DMD: variants seen among roughly 807,000 people sequenced by gnomAD.
The protein encoded by DMD is dystrophin, also known as mutant dystrophin.
DMD carries 63 observed loss-of-function variants against 330.1 expected under a neutral mutation model. The observed-to-expected ratio is 0.19, with a 90% CI of 0.16 to 0.24. The LOEUF (loss-of-function observed/expected upper bound fraction) is 0.24. Ranked by LOEUF, DMD falls within the 10% of genes least tolerant of loss-of-function variation. DMD has a pLI of 1.00. For missense variants in DMD, 3,344 were observed against 2,684.1 expected (o/e 1.25, Z -5.43); for synonymous variants, 1,223 against 959.8 (o/e 1.27, Z -5.07).
At chrX:32,489,280 T>G (rs189506822) in intron 20 of DMD, among the ~76,000 whole-genome samples, 1 of 110,075 alleles carries the variant, frequency 9.1e-6, no homozygotes, top group Admixed American at 9.8e-5. Context: ...GGTGAGACTA[T>G]TTGGTGATAG....
intron 44 of DMD, among the ~76,000 whole-genome samples, chrX:32,038,551 A>G (rs1474533593): frequency 9.0e-6 from 1 of 111,374 alleles, no homozygotes; most frequent in African/African-American, 3.3e-5. Flanking sequence ...AGGGATAGAC[A>G]GAGTTCCAAG....
intron 44 of DMD, among the ~76,000 whole-genome samples, chrX:32,164,748 C>A (rs2096861777): frequency 9.1e-6 from 1 of 110,214 alleles, no homozygotes; most frequent in African/African-American, 3.3e-5. Flanking sequence ...CTCCTCCCAT[C>A]ACAGACCCAG....
intron 2 of DMD, among the ~76,000 whole-genome samples, chrX:32,918,977 A>G (rs2088115895): frequency 8.9e-6 from 1 of 112,289 alleles, no homozygotes; most frequent in Non-Finnish European, 1.9e-5. Flanking sequence ...GTCCCAAAGG[A>G]CGTTCAAAAG....
intron 44 of DMD, among the ~76,000 whole-genome samples, chrX:32,174,757 T>A (rs752937920): frequency 9.7e-5 from 9 of 93,025 alleles, no homozygotes; most frequent in African/African-American, 1.5e-4. Flanking sequence ...CTATAGATAT[T>A]TTTTTTTTTT....
chrX:32,982,730 C>A (rs186003274), intron 2 of DMD, among the ~76,000 whole-genome samples: 5 of 111,979 alleles, frequency 4.5e-5, no homozygotes, highest in Admixed American at 2.9e-4. Context: ...AGACCCACAA[C>A]CAGCAGTCGA....
intron 52 of DMD, among the ~76,000 whole-genome samples, chrX:31,690,262 C>A (rs1030248648): frequency 1.8e-5 from 2 of 112,023 alleles, no homozygotes; most frequent in African/African-American, 6.5e-5. Flanking sequence ...AGAACTCAAA[C>A]AAACTTACAA....
chrX:32,505,755 T>G (rs1203805643), intron 18 of DMD, among the ~76,000 whole-genome samples: 1 of 112,214 alleles, frequency 8.9e-6, no homozygotes, highest in Non-Finnish European at 1.9e-5. Context: ...ACAATCAAGA[T>G]GTTCTTCAGT....
intron 11 of DMD, 92 bp downstream of exon 11, chrX:32,644,040 A>G (rs1227602566): frequency 1.5e-5 from 12 of 781,747 alleles, no homozygotes; most frequent in African/African-American, 2.1e-5. Flanking sequence ...GAACAAACTG[A>G]GAATCGTAAC....
chrX:33,211,197 A>T (rs1282062252), intron 1 of DMD, 85 bp downstream of exon 1: 7 of 1,093,137 alleles, frequency 6.4e-6, no homozygotes, highest in Non-Finnish European at 7.5e-6. Flanking sequence ...GTGATAATTT[A>T]AAATCAATCT....
At chrX:32,646,271 GAGTAAACTACTAAGTTT>G (rs1257339170) in intron 9 of DMD, among the ~76,000 whole-genome samples, 2 of 111,362 alleles carry the variant, frequency 1.8e-5, no homozygotes, top group Non-Finnish European at 1.9e-5. Flanking sequence ...GCAAAAATTT[GAGTAAACTACTAAGTTT>G]GCAGGAGGTT....
chrX:32,686,559 C>CAAAAAAAAAAAAAAAAAAAAAAAAA (rs750534167), intron 9 of DMD, among the ~76,000 whole-genome samples: 19 of 28,554 alleles, frequency 6.7e-4, no homozygotes, highest in Admixed American at 1.1e-3. Flanking sequence ...AACTCCATCT[C>CAAAAAAAAAAAAAAAAAAAAAAAAA]AAAAAAAAAA....
At chrX:33,037,629 G>GA (rs973815689) in intron 1 of DMD, among the ~76,000 whole-genome samples, 32 of 109,869 alleles carry the variant, frequency 2.9e-4, no homozygotes, top group South Asian at 7.5e-4. Flanking sequence ...GACTTAATGA[G>GA]AAAAAAAAAT....
intron 2 of DMD, among the ~76,000 whole-genome samples, chrX:32,855,611 A>G (rs2081485190): frequency 8.9e-6 from 1 of 111,996 alleles, no homozygotes; most frequent in South Asian, 3.7e-4. Flanking sequence ...GGATATGGAT[A>G]TGCAAAAGAA....
At chrX:32,687,402 A>G (rs1231075702) in intron 9 of DMD, among the ~76,000 whole-genome samples, 1 of 111,837 alleles carries the variant, frequency 8.9e-6, no homozygotes, top group South Asian at 3.7e-4. Flanking sequence ...TTCTCCATCA[A>G]GAGTTGGGTT....
intron 57 of DMD, among the ~76,000 whole-genome samples, chrX:31,485,746 G>A (rs1004244000): frequency 8.9e-5 from 10 of 111,849 alleles, no homozygotes; most frequent in Admixed American, 1.9e-4. Context: ...GTAAAAGCCC[G>A]TGCTTTTCAA....
At chrX:31,635,079 C>G (rs985181167) in intron 54 of DMD, among the ~76,000 whole-genome samples, 1 of 111,263 alleles carries the variant, frequency 9.0e-6, no homozygotes, top group Non-Finnish European at 1.9e-5. Flanking sequence ...GGTTAATATA[C>G]AGAGACTCAA....
chrX:31,531,717 T>C (rs1182455104), intron 55 of DMD, among the ~76,000 whole-genome samples: 1 of 109,864 alleles, frequency 9.1e-6, no homozygotes, highest in Non-Finnish European at 1.9e-5. Flanking sequence ...TTTGTTGCCA[T>C]TGCTTTTGAA....
chrX:33,049,299 C>T (rs1004148663), intron 1 of DMD, among the ~76,000 whole-genome samples: 2 of 111,737 alleles, frequency 1.8e-5, no homozygotes, highest in Non-Finnish European at 3.8e-5. Flanking sequence ...ACGTGCACCA[C>T]TCAATTGACG....
chrX:31,381,413 C>T (rs749273103), intron 60 of DMD, among the ~76,000 whole-genome samples: 1 of 111,378 alleles, frequency 9.0e-6, no homozygotes, highest in East Asian at 2.8e-4. Flanking sequence ...AAACTATGCT[C>T]AACTCACTCT....
Sources: allele counts gnomAD v4.1 joint callset (sites outside exome capture counted in the v4.1 genomes callset), GRCh38; gene constraint gnomAD v4.1.1; transcripts MANE v1.5; gene names NCBI Gene and HGNC (gene_info 2026-07-23, HGNC 2026-07-21).